Variants in STK4 observed in about 807,000 individuals in gnomAD.
STK4 encodes the protein serine/threonine kinase 4, also known as serine/threonine-protein kinase 4.
In STK4, 30 loss-of-function variants were observed where a neutral mutation model predicts 64.9. That is an observed-to-expected ratio of 0.46 (90% CI 0.35 to 0.63). The LOEUF is 0.63. STK4 is among the 20% of genes least tolerant of loss of function. The pLI is 0.01. For missense variants in STK4, 466 were observed against 598.5 expected (o/e 0.78, Z 2.31); for synonymous variants, 177 against 199.0 (o/e 0.89, Z 0.93).
At chr20:45,055,709 TTTTCTTTC>T (rs990488580) in intron 10 of STK4, among the ~76,000 whole-genome samples, 1 of 142,810 alleles carries the variant, frequency 7.0e-6, no homozygotes, top group Non-Finnish European at 1.6e-5. Flanking sequence ...TTTCTTTTCT[TTTTCTTTC>T]TTTCTTTCTT....
At chr20:45,047,992 C>T (rs1452067855) in intron 10 of STK4, among the ~76,000 whole-genome samples, 6 of 152,162 alleles carry the variant, frequency 3.9e-5, no homozygotes. Flanking sequence ...GCAGCTAATG[C>T]GTCTCTCTCA....
At chr20:45,003,162 C>T (rs566325876) in intron 9 of STK4, among the ~76,000 whole-genome samples, 12 of 152,082 alleles carry the variant, frequency 7.9e-5, no homozygotes, top group African/African-American at 2.9e-4. Context: ...TAGGTGTGTC[C>T]AGCTAATTTT....
At chr20:45,041,852 C>T (rs1468178564) in intron 10 of STK4, among the ~76,000 whole-genome samples, 1 of 152,038 alleles carries the variant, frequency 6.6e-6, no homozygotes, top group African/African-American at 2.4e-5. Flanking sequence ...GTTAGCCTGC[C>T]GCAGGCATTA....
At chr20:45,069,644 T>G (rs1367464773) in intron 10 of STK4, among the ~76,000 whole-genome samples, 1 of 152,214 alleles carries the variant, frequency 6.6e-6, no homozygotes, top group Non-Finnish European at 1.5e-5. Context: ...AACGCACTTC[T>G]TATTCTACAC....
Position 45,077,448 on chromosome 20 carries a change from G to C in STK4, c.*2272G>C, listed in dbSNP as rs757553122. 6.6e-6 allele frequency: 1 copy of C among 152,538 alleles called. No individual in the cohort carries two copies. Among genetic ancestry groups the C allele is most frequent in the Non-Finnish European group, 1.5e-5 (1 of 68,330 alleles). 9.4% of individuals were successfully genotyped at this position (152,538 alleles called of 1,614,324 possible). A position where few individuals can be genotyped will look rare whatever the true frequency, so the allele number is the denominator to read the frequency against. Reference sequence around the variant, plus strand: ...GATGGATTTTCGCTCTTGTCGCCCAGGCTGGAGTACAATGGCACGATCTTG... The same window carrying C: ...GATGGATTTTCGCTCTTGTCGCCCACGCTGGAGTACAATGGCACGATCTTG... On this transcript the variant is annotated 3_prime_UTR_variant, in exon 11 of 11. Transcript: ENST00000372806.
chr20:45,045,258 G>A (rs917106691), intron 10 of STK4, among the ~76,000 whole-genome samples: 4 of 152,186 alleles, frequency 2.6e-5, no homozygotes, highest in African/African-American at 9.7e-5. Flanking sequence ...AATGCTTACA[G>A]TGTTTCTGTG....
intron 10 of STK4, among the ~76,000 whole-genome samples, chr20:45,059,599 G>A (rs747232118): frequency 9.9e-5 from 15 of 152,172 alleles, no homozygotes; most frequent in Non-Finnish European, 2.1e-4. Context: ...TTCATCATGC[G>A]TCTCAGAATG....
intron 10 of STK4, among the ~76,000 whole-genome samples, chr20:45,056,019 C>T (rs1978449600): frequency 6.6e-6 from 1 of 152,184 alleles, no homozygotes; most frequent in Non-Finnish European, 1.5e-5. Context: ...GCGTGAGCCC[C>T]CGCGCCGGGC....
At chr20:45,049,736 G>A (rs959991609) in intron 10 of STK4, among the ~76,000 whole-genome samples, 7 of 152,108 alleles carry the variant, frequency 4.6e-5, no homozygotes, top group Admixed American at 1.3e-4. Context: ...GGAGTTTTAC[G>A]TACAGTGATA....
chr20:44,975,373 C>CT (rs1245904188), intron 2 of STK4: 2 of 984,504 alleles, frequency 2.0e-6, no homozygotes, highest in African/African-American at 3.5e-5. Context: ...TTCATGTGAG[C>CT]TATTGGAGTT....
chr20:44,984,144 T>G (rs2067487527), intron 4 of STK4, among the ~76,000 whole-genome samples: 2 of 151,346 alleles, frequency 1.3e-5, no homozygotes, highest in African/African-American at 4.8e-5. Flanking sequence ...TTAAGTAAAT[T>G]TTAACTTAAT....
intron 10 of STK4, among the ~76,000 whole-genome samples, chr20:45,045,014 C>T (rs1368469628): frequency 2.0e-5 from 3 of 151,976 alleles, no homozygotes; most frequent in African/African-American, 7.2e-5. Context: ...ATTTTCGGTT[C>T]ATTGTGTATT....
chr20:44,973,464 G>C (rs1443122618), intron 2 of STK4: 1 of 152,188 alleles, frequency 6.6e-6, no homozygotes, highest in Non-Finnish European at 1.5e-5. Flanking sequence ...CTCTACATCT[G>C]TTGCCTGCCA....
chr20:45,046,131 G>A (rs942457285), intron 10 of STK4, among the ~76,000 whole-genome samples: 3 of 151,996 alleles, frequency 2.0e-5, no homozygotes, highest in Non-Finnish European at 4.4e-5. Context: ...TAACTAAAAA[G>A]GCATTATTAT....
intron 5 of STK4, among the ~76,000 whole-genome samples, chr20:44,988,934 A>AT (rs2067586026): frequency 6.6e-6 from 1 of 152,026 alleles, no homozygotes; most frequent in Admixed American, 6.6e-5. Context: ...AATGTTTTTG[A>AT]GTTCATCCAT....
intron 3 of STK4, among the ~76,000 whole-genome samples, chr20:44,980,589 A>G (rs2067419279): frequency 6.6e-6 from 1 of 152,348 alleles, no homozygotes; most frequent in East Asian, 1.9e-4. Context: ...GTATGTTTTT[A>G]TTACAAAGTA....
intron 10 of STK4, among the ~76,000 whole-genome samples, chr20:45,055,725 CTTTT>C (rs71197597): frequency 0.26 from 38,264 of 148,054 alleles, 5,453 homozygotes; most frequent in Middle Eastern, 0.43. Context: ...TTCTTTCTTT[CTTTT>C]TTTTTTGTTT....
chr20:45,046,268 A>C (rs2068693220), intron 10 of STK4, among the ~76,000 whole-genome samples: 1 of 150,286 alleles, frequency 6.7e-6, no homozygotes, highest in African/African-American at 2.4e-5. Flanking sequence ...GTATCTACAA[A>C]AAAAAAAAAA....
chr20:44,999,574 A>G (rs2067797626), intron 7 of STK4, among the ~76,000 whole-genome samples: 1 of 152,260 alleles, frequency 6.6e-6, no homozygotes, highest in African/African-American at 2.4e-5. Flanking sequence ...ACGTGCTACA[A>G]ATACAAACAA....
Sources: allele counts gnomAD v4.1 joint callset (sites outside exome capture counted in the v4.1 genomes callset), GRCh38; gene constraint gnomAD v4.1.1; transcripts MANE v1.5; gene names NCBI Gene and HGNC (gene_info 2026-07-23, HGNC 2026-07-21).